TEX15: variants seen among roughly 807,000 people sequenced by gnomAD.
The protein encoded by TEX15 is testis-expressed protein 15.
In TEX15, 171 loss-of-function variants were observed where a neutral mutation model predicts 237.3. That is an observed-to-expected ratio of 0.72 (90% CI 0.64 to 0.82). The LOEUF (loss-of-function observed/expected upper bound fraction) is 0.82, where lower values mean the gene tolerates loss of function less well. Among genes scored for constraint, TEX15 ranks in the 40% least tolerant of loss-of-function variants. The pLI is 0.00. For synonymous variants in TEX15, 1,338 were observed against 1,269.8 expected (o/e 1.05, Z -1.14); for missense variants, 3,750 against 3,646.5 (o/e 1.03, Z -0.73).
At chr8:30,906,999 T>C (rs543779819) in intron 1 of TEX15, among the ~76,000 whole-genome samples, 2 of 152,330 alleles carry the variant, frequency 1.3e-5, no homozygotes, top group African/African-American at 4.8e-5. Context: ...TGTGACTTTA[T>C]ATAAAACATA....
At chr8:30,907,278 G>C (rs1451844829) in intron 1 of TEX15, among the ~76,000 whole-genome samples, 1 of 152,002 alleles carries the variant, frequency 6.6e-6, no homozygotes, top group African/African-American at 2.4e-5. Flanking sequence ...AGAATGCTGT[G>C]ATCAGTACTC....
chr8:30,907,911 G>A (rs1274941802), intron 1 of TEX15, among the ~76,000 whole-genome samples: 1 of 151,630 alleles, frequency 6.6e-6, no homozygotes, highest in African/African-American at 2.4e-5. Flanking sequence ...GCACTCCTGG[G>A]CAACAGAGTC....
intron 1 of TEX15, among the ~76,000 whole-genome samples, chr8:30,906,535 A>C (rs1340906079): frequency 2.0e-5 from 3 of 150,548 alleles, no homozygotes; most frequent in African/African-American, 7.3e-5. Flanking sequence ...GCTTGTGGTG[A>C]GCCGAGATTG....
At position 30,837,292 on chromosome 8, in the gene TEX15, C is replaced by G; in HGVS notation, c.8992G>C (p.Glu2998Gln). 6.2e-7 allele frequency: 1 copy of G among 1,614,122 alleles called. No homozygotes were observed. Among genetic ancestry groups the G allele is most frequent in the East Asian group, 2.2e-5 (1 of 44,880 alleles). The change falls in exon 10 of 11, where the codon GAA becomes CAA. Residue 2998 changes from glutamate (E) to glutamine (Q), a missense_variant. Physicochemically the swap from Glu to Gln is conservative, Grantham distance 29. Transcript: ENST00000643185. ...TTTGAATTTTTGTCATTCTGTTGTT[C>G]AGAAAGAGAGTACTCTGCTCCTTGA... The part of the protein sequence containing the change: ...VNQGAEYSLS[E>Q]QQNDKNSKVL...
At chr8:30,862,792 TTA>T (rs1344780527) in intron 5 of TEX15, among the ~76,000 whole-genome samples, 7 of 152,182 alleles carry the variant, frequency 4.6e-5, no homozygotes, top group Non-Finnish European at 8.8e-5. Context: ...AGATTTCTCT[TTA>T]TGTTTATTTC....
chr8:30,898,952 C>G (rs1808957904), intron 1 of TEX15, 135 bp from the exon 2 acceptor site: 1 of 152,158 alleles, frequency 6.6e-6, no homozygotes, highest in African/African-American at 2.4e-5. Flanking sequence ...CACTCCTGTT[C>G]CATTCTGGGG....
At chr8:30,838,611 C>T (rs1209659601) in intron 9 of TEX15, among the ~76,000 whole-genome samples, 6 of 151,114 alleles carry the variant, frequency 4.0e-5, no homozygotes. Context: ...TAAATTCAGA[C>T]AGTCTCAAGC....
At chr8:30,891,891 A>G (rs16877479) in intron 2 of TEX15, among the ~76,000 whole-genome samples, 14,694 of 152,258 alleles carry the variant, frequency 0.097, 1,030 homozygotes, top group African/African-American at 0.2. Context: ...TGTATTTGCA[A>G]GAAATCTTTA....
intron 2 of TEX15, among the ~76,000 whole-genome samples, chr8:30,897,703 CA>C (rs1479707029): frequency 7.9e-5 from 12 of 152,216 alleles, no homozygotes. Context: ...CTCTGACACC[CA>C]GGCTGGAGTG....
intron 2 of TEX15, among the ~76,000 whole-genome samples, chr8:30,894,997 G>A (rs985341056): frequency 6.6e-6 from 1 of 152,074 alleles, no homozygotes; most frequent in African/African-American, 2.4e-5. Context: ...GGATTCCCCA[G>A]CCTCCAGAAC....
intron 2 of TEX15, among the ~76,000 whole-genome samples, chr8:30,892,246 C>T (rs867982286): frequency 1.8e-4 from 28 of 152,222 alleles, no homozygotes; most frequent in African/African-American, 6.5e-4. Flanking sequence ...TTTAAAACAA[C>T]CTTTCTTATT....
chr8:30,867,292 AAT>A lies in TEX15; in HGVS notation c.511_512del (p.Ile171TyrfsTer9). The A allele has an allele frequency of 6.7e-7, 1 of 1,501,320 alleles. No homozygotes were observed. The highest frequency in any genetic ancestry group is 1.7e-4 in the Middle Eastern group (1 of 5,870). 93.0% of individuals were successfully genotyped at this position (1,501,320 alleles called of 1,614,324 possible). A position where few individuals can be genotyped will look rare whatever the true frequency, so the allele number is the denominator to read the frequency against. ...TAAAAATTAAAATACTTTCTACAGT[AAT>A]GCTTTGACTATGAGAATAATTCAAG... ...IALNYSHSQS[I>X]TVESILIFKV... is the part of the protein sequence containing the mutation. On this transcript the variant is annotated frameshift_variant, in exon 5 of 11. Transcript: ENST00000643185. LOFTEE classifies it high-confidence loss of function.
At chr8:30,839,742 T>C (rs1202871157) in intron 9 of TEX15, among the ~76,000 whole-genome samples, 164 bp downstream of exon 9, 5 of 152,244 alleles carry the variant, frequency 3.3e-5, no homozygotes, top group Non-Finnish European at 5.9e-5. Context: ...TTTAAGAAAC[T>C]GTATAATTTC....
At chr8:30,862,893 C>T (rs895870572) in intron 5 of TEX15, among the ~76,000 whole-genome samples, 1 of 151,916 alleles carries the variant, frequency 6.6e-6, no homozygotes, top group African/African-American at 2.4e-5. Flanking sequence ...TTTTGAATAC[C>T]TTTTAGAATT....
rs150381222 is a variant in TEX15 at position 30,847,557 on chromosome 8, A to C, written c.2610T>G (p.Asn870Lys). The change falls in exon 8 of 11, where the codon AAT (asparagine) becomes AAG (lysine). Residue 870 changes from asparagine to lysine, a missense_variant. Physicochemically the swap from Asn to Lys is moderately conservative, Grantham distance 94 (BLOSUM62 0). Transcript: ENST00000643185. ...DRENQNEAKENSASCVENNIE... is the reference protein window; with the variant it reads ...DRENQNEAKEKSASCVENNIE... The stretch of plus-strand genomic sequence containing the variant: ...TGTTGTTTTCTACACATGAAGCACT[A>C]TTCTCTTTAGCCTCATTTTGGTTTT... 4.3e-6 allele frequency: 7 copies of C among 1,612,898 alleles called. No individual in the cohort carries two copies. Among genetic ancestry groups the C allele is most frequent in the Middle Eastern group, 1.6e-4 (1 of 6,080 alleles).
Position 30,887,279 on chromosome 8 carries a change from T to C in TEX15, c.24A>G (p.Lys8=). The C allele has an allele frequency of 6.5e-7, 1 of 1,532,464 alleles. No homozygotes were observed. The highest frequency in any genetic ancestry group is 8.7e-7 in the Non-Finnish European group (1 of 1,145,760). 94.9% of individuals were successfully genotyped at this position (1,532,464 alleles called of 1,614,324 possible). A position where few individuals can be genotyped will look rare whatever the true frequency, so the allele number is the denominator to read the frequency against. ...AGCTCATTTGCCACAGTGTATCCTG[T>C]TTAGCAGTTTCTTTCATTTCCATTT... MEMKETA[K]QDTLWQMSST... Residue 8 remains lysine (K), a synonymous_variant, in exon 3 of 11, where the codon AAA becomes AAG. Coordinates refer to ENST00000643185, the MANE Select transcript of TEX15 (RefSeq NM_001350162.2).
chr8:30,885,987 G>C (rs1256750126), intron 3 of TEX15, among the ~76,000 whole-genome samples: 3 of 152,076 alleles, frequency 2.0e-5, no homozygotes, highest in Non-Finnish European at 2.9e-5. Flanking sequence ...GTAACTGCTT[G>C]TCCAAGTATC....
intron 1 of TEX15, among the ~76,000 whole-genome samples, chr8:30,909,823 AAAG>A (rs1490910944): frequency 4.6e-5 from 7 of 152,164 alleles, no homozygotes; most frequent in Non-Finnish European, 7.3e-5. Flanking sequence ...ATATAAACGG[AAAG>A]AAGATGAGGT....
chr8:30,888,624 T>G, intron 2 of TEX15: 1 of 1,289,490 alleles, frequency 7.8e-7, no homozygotes, highest in Non-Finnish European at 1.0e-6. Flanking sequence ...TATAAGCAGG[T>G]ATTTTTCGTA....
Sources: gnomAD v4.1 joint callset for allele counts (sites outside exome capture counted in the v4.1 genomes callset) on GRCh38, gnomAD v4.1.1 for gene constraint, MANE v1.5 for transcripts, NCBI Gene and HGNC (gene_info 2026-07-23, HGNC 2026-07-21) for gene names.